HS3ST4: variants seen among roughly 807,000 people sequenced by gnomAD.
The protein encoded by HS3ST4 is heparan sulfate glucosamine 3-O-sulfotransferase 4.
A neutral mutation model predicts 29.2 loss-of-function variants in HS3ST4; 17 were observed. The ratio of observed to expected loss-of-function variants is 0.58; its 90% confidence interval spans 0.40 to 0.87. HS3ST4 has a LOEUF of 0.87. Among genes scored for constraint, HS3ST4 ranks in the 40% least tolerant of loss-of-function variants. The pLI is 0.00. For missense variants in HS3ST4, 627 were observed against 634.5 expected (o/e 0.99, Z 0.13); for synonymous variants, 314 against 285.7 (o/e 1.10, Z -1.00).
intron 1 of HS3ST4, among the ~76,000 whole-genome samples, chr16:25,956,061 T>G (rs1968728934): frequency 6.6e-6 from 1 of 152,012 alleles, no homozygotes; most frequent in African/African-American, 2.4e-5. Flanking sequence ...AATGATCTGC[T>G]GGCCTCAGCC....
At chr16:25,828,262 T>TTTTCTG (rs1567249360) in intron 1 of HS3ST4, among the ~76,000 whole-genome samples, 35 of 87,864 alleles carry the variant, frequency 4.0e-4, no homozygotes, top group African/African-American at 1.6e-3. Context: ...CTTTCTTTCT[T>TTTTCTG]TCTTTCTTTC....
intron 1 of HS3ST4, among the ~76,000 whole-genome samples, chr16:25,939,683 G>A (rs1001743281): frequency 6.6e-6 from 1 of 152,112 alleles, no homozygotes; most frequent in Non-Finnish European, 1.5e-5. Context: ...CTTGCTTTCT[G>A]TGGAGAGACG....
chr16:25,692,899 C>A lies in HS3ST4; in HGVS notation c.482C>A (p.Ala161Glu). The change falls in exon 1 of 2, where the codon GCG becomes GAG. Residue 161 changes from alanine to glutamate, a missense_variant. Physicochemically the swap from Ala to Glu is moderately radical, Grantham distance 107. Transcript: ENST00000331351. ...CAGAGCGCGCTGCCGGAGAGGGAAG[C>A]GCAGGAGTCCAGCACCACCGACGAG... is the stretch of plus-strand genomic sequence containing the variant. Reference protein sequence around the residue: ...TAQSALPEREAQESSTTDEDL... With the variant: ...TAQSALPEREEQESSTTDEDL... 6.3e-7 allele frequency: 1 copy of A among 1,582,844 alleles called. No individual in the cohort carries two copies. The highest frequency in any genetic ancestry group is 8.6e-7 in the Non-Finnish European group (1 of 1,165,720).
At chr16:25,896,673 C>CA (rs994440817) in intron 1 of HS3ST4, among the ~76,000 whole-genome samples, 3 of 151,952 alleles carry the variant, frequency 2.0e-5, no homozygotes, top group Admixed American at 2.0e-4. Flanking sequence ...ATCATTGCAC[C>CA]AAAAAAAGCA....
intron 1 of HS3ST4, among the ~76,000 whole-genome samples, chr16:25,802,523 C>G (rs1966949279): frequency 6.6e-6 from 1 of 151,982 alleles, no homozygotes. Flanking sequence ...ATACTGCAGT[C>G]TCTCCTTCCT....
chr16:25,964,560 G>A (rs9929269), intron 1 of HS3ST4, among the ~76,000 whole-genome samples: 2 of 152,158 alleles, frequency 1.3e-5, no homozygotes, highest in African/African-American at 4.8e-5. Context: ...GGAGAAAACT[G>A]AGGCATCTTT....
At chr16:26,102,585 A>G (rs1378827795) in intron 1 of HS3ST4, among the ~76,000 whole-genome samples, 1 of 152,144 alleles carries the variant, frequency 6.6e-6, no homozygotes, top group Non-Finnish European at 1.5e-5. Flanking sequence ...CCCGTTCAAG[A>G]TCGTACGTAC....
intron 1 of HS3ST4, among the ~76,000 whole-genome samples, chr16:25,816,306 G>A (rs1392003146): frequency 6.6e-6 from 1 of 152,098 alleles, no homozygotes; most frequent in Non-Finnish European, 1.5e-5. Flanking sequence ...TCCTCCAGAC[G>A]CAAGGTGGAG....
chr16:25,749,527 G>GAGAGGA (rs745516332), intron 1 of HS3ST4, among the ~76,000 whole-genome samples: 1 of 151,726 alleles, frequency 6.6e-6, no homozygotes, highest in Non-Finnish European at 1.5e-5. Context: ...GAAGAAGAGG[G>GAGAGGA]AGAGGAAGAG....
chr16:26,095,277 C>G (rs1898908775), intron 1 of HS3ST4, among the ~76,000 whole-genome samples: 1 of 152,190 alleles, frequency 6.6e-6, no homozygotes, highest in African/African-American at 2.4e-5. Flanking sequence ...TAATAGACAT[C>G]TACAGAACTC....
At chr16:26,001,034 C>T (rs1291055266) in intron 1 of HS3ST4, among the ~76,000 whole-genome samples, 1 of 152,076 alleles carries the variant, frequency 6.6e-6, no homozygotes, top group Non-Finnish European at 1.5e-5. Flanking sequence ...ATCTCTGATT[C>T]TCAATGGATC....
intron 1 of HS3ST4, among the ~76,000 whole-genome samples, chr16:25,779,018 G>A (rs560922971): frequency 2.7e-4 from 41 of 151,822 alleles, no homozygotes; most frequent in Non-Finnish European, 5.1e-4. Flanking sequence ...ACACACACAC[G>A]CACACACCCT....
intron 1 of HS3ST4, among the ~76,000 whole-genome samples, chr16:26,044,591 T>G (rs1196250249): frequency 2.6e-5 from 4 of 152,102 alleles, no homozygotes; most frequent in Non-Finnish European, 5.9e-5. Flanking sequence ...TTTCCTTTAT[T>G]GTATCTCTTG....
chr16:25,844,786 A>G (rs915578810), intron 1 of HS3ST4, among the ~76,000 whole-genome samples: 7 of 152,350 alleles, frequency 4.6e-5, no homozygotes, highest in Admixed American at 4.6e-4. Context: ...ACAATAGCAA[A>G]GAGATGGAAT....
chr16:25,939,330 CA>C (rs1968551273), intron 1 of HS3ST4, among the ~76,000 whole-genome samples: 1 of 33,704 alleles, frequency 3.0e-5, no homozygotes, highest in Non-Finnish European at 6.8e-5. Flanking sequence ...TTATTATTAT[CA>C]TTATTATTAT....
chr16:25,713,574 T>C (rs928679409), intron 1 of HS3ST4, among the ~76,000 whole-genome samples: 12 of 152,028 alleles, frequency 7.9e-5, no homozygotes, highest in Admixed American at 7.2e-4. Flanking sequence ...CCTGTCTCCT[T>C]AGCTCAACAC....
At chr16:25,797,899 G>T (rs545155732) in intron 1 of HS3ST4, among the ~76,000 whole-genome samples, 2 of 152,322 alleles carry the variant, frequency 1.3e-5, no homozygotes, top group Admixed American at 6.5e-5. Flanking sequence ...TTGGCTGTGT[G>T]TGAAGGCTGG....
intron 1 of HS3ST4, among the ~76,000 whole-genome samples, chr16:25,749,543 GGAA>G (rs1342787696): frequency 6.6e-6 from 1 of 151,714 alleles, no homozygotes; most frequent in Non-Finnish European, 1.5e-5. Flanking sequence ...AAGAGGAAGA[GGAA>G]GAAGAAGAGG....
chr16:25,816,650 C>G (rs899000351), intron 1 of HS3ST4, among the ~76,000 whole-genome samples: 1 of 152,002 alleles, frequency 6.6e-6, no homozygotes, highest in Non-Finnish European at 1.5e-5. Context: ...TTTTCTGTTG[C>G]TTGTAACAAA....
Sources: allele counts gnomAD v4.1 joint callset (sites outside exome capture counted in the v4.1 genomes callset), GRCh38; gene constraint gnomAD v4.1.1; transcripts MANE v1.5; gene names NCBI Gene and HGNC (gene_info 2026-07-23, HGNC 2026-07-21).